PROS1: variants seen among roughly 807,000 people sequenced by gnomAD.
The protein encoded by PROS1 is vitamin K-dependent protein S.
A neutral mutation model predicts 75.9 loss-of-function variants in PROS1; 29 were observed. The observed-to-expected ratio is 0.38, with a 90% CI of 0.28 to 0.52. PROS1 has a LOEUF of 0.52. PROS1 is among the 20% of genes least tolerant of loss of function. The pLI is 0.83. For missense variants in PROS1, 680 were observed against 810.3 expected, an observed-to-expected ratio of 0.84 and a Z score of 1.95; for synonymous variants, 245 against 280.6, an observed-to-expected ratio of 0.87 and a Z score of 1.27.
At chr3:93,947,814 G>C (rs959451535) in intron 1 of PROS1, among the ~76,000 whole-genome samples, 2 of 151,874 alleles carry the variant, frequency 1.3e-5, no homozygotes, top group African/African-American at 4.8e-5. Flanking sequence ...TGATCTGCCC[G>C]CCTCGGCCTC....
chr3:93,881,139 C>T (rs1479754301), intron 12 of PROS1, among the ~76,000 whole-genome samples: 1 of 151,978 alleles, frequency 6.6e-6, no homozygotes, highest in African/African-American at 2.4e-5. Context: ...ACCTGGGCAA[C>T]ACGGGAAGAC....
chr3:93,927,964 T>C (rs1397647499), intron 1 of PROS1, among the ~76,000 whole-genome samples: 1 of 133,178 alleles, frequency 7.5e-6, no homozygotes, highest in Non-Finnish European at 1.6e-5. Context: ...TGTGTATATA[T>C]ATATGTGTGT....
At chr3:93,887,334 T>A (rs550805257) in intron 10 of PROS1, among the ~76,000 whole-genome samples, 67 of 152,306 alleles carry the variant, frequency 4.4e-4, no homozygotes, top group Admixed American at 3.6e-3. Flanking sequence ...AAAAAATACA[T>A]AAAATTAAAT....
intron 12 of PROS1, among the ~76,000 whole-genome samples, chr3:93,883,950 A>AAAAAC (rs1325074907): frequency 1.3e-5 from 2 of 152,334 alleles, no homozygotes; most frequent in South Asian, 2.1e-4. Context: ...ACTCCATCTC[A>AAAAAC]AAAACAAAAC....
At position 93,908,435 on chromosome 3, in the gene PROS1, G is replaced by A. The variant is rs557369148; in HGVS notation, c.346+2184C>T. On this transcript the variant is annotated intron_variant, in intron 4 of 14. Coordinates refer to ENST00000394236, the MANE Select transcript of PROS1 (RefSeq NM_000313.4). ...TGAGAAAACAAATATTGGAGTTTGG[G>A]GAGATCAAATTAGAATTCTGCTGGT... is the stretch of plus-strand genomic sequence containing the variant. Among the ~76,000 whole-genome samples the A allele has an allele frequency of 3.5e-3, 530 of 152,254 alleles. 5 individuals are homozygous for A. Among genetic ancestry groups the A allele is most frequent in the African/African-American group, 0.012 (487 of 41,552 alleles).
chr3:93,905,715 G>A (rs1193939453), intron 6 of PROS1, 69 bp downstream of exon 6: 5 of 1,551,400 alleles, frequency 3.2e-6, no homozygotes, highest in Non-Finnish European at 4.4e-6. Context: ...AAATTTGCTA[G>A]TAAAATTTCT....
intron 1 of PROS1, among the ~76,000 whole-genome samples, chr3:93,933,845 C>A (rs2107213422): frequency 6.6e-6 from 1 of 152,008 alleles, no homozygotes; most frequent in African/African-American, 2.4e-5. Context: ...CCCGTCTCTA[C>A]TAAAAATACA....
intron 1 of PROS1, among the ~76,000 whole-genome samples, chr3:93,927,820 TA>T (rs1709042318): frequency 7.0e-6 from 1 of 142,976 alleles, no homozygotes; most frequent in African/African-American, 2.6e-5. Context: ...CTGGGCAAAA[TA>T]GTGAGACCCC....
chr3:93,947,412 A>T (rs1279039897), intron 1 of PROS1, among the ~76,000 whole-genome samples: 1 of 152,074 alleles, frequency 6.6e-6, no homozygotes, highest in East Asian at 1.9e-4. Flanking sequence ...AGCCCTTAAA[A>T]TAAAACCTAA....
At chr3:93,949,878 G>C (rs1042707962) in intron 1 of PROS1, among the ~76,000 whole-genome samples, 13 of 152,150 alleles carry the variant, frequency 8.5e-5, no homozygotes, top group Admixed American at 5.9e-4. Flanking sequence ...CCAAAGCAGG[G>C]GGGGCATTGC....
At chr3:93,958,536 A>G (rs1709647644) in intron 1 of PROS1, 1 of 151,878 alleles carries the variant, frequency 6.6e-6, no homozygotes, top group Non-Finnish European at 1.5e-5. Flanking sequence ...ATCTTATGAG[A>G]CTCTTTTCTT....
At chr3:93,901,854 G>A (rs574090749) in intron 6 of PROS1, among the ~76,000 whole-genome samples, 1 of 152,230 alleles carries the variant, frequency 6.6e-6, no homozygotes, top group African/African-American at 2.4e-5. Flanking sequence ...GGGGTAAAGG[G>A]TATATAGCAT....
intron 1 of PROS1, among the ~76,000 whole-genome samples, chr3:93,953,752 A>T (rs1709548328): frequency 6.6e-6 from 1 of 152,168 alleles, no homozygotes; most frequent in Admixed American, 6.5e-5. Context: ...GAAAGAAATA[A>T]ATTGTATTCA....
At chr3:93,885,413 A>G (rs1477347732) in intron 11 of PROS1, among the ~76,000 whole-genome samples, 1 of 152,016 alleles carries the variant, frequency 6.6e-6, no homozygotes, top group East Asian at 1.9e-4. Flanking sequence ...TTTAGTAGAG[A>G]TGGGGTTTTG....
At chr3:93,900,483 A>C (rs767496870) in intron 7 of PROS1, among the ~76,000 whole-genome samples, 5 of 152,208 alleles carry the variant, frequency 3.3e-5, no homozygotes, top group Admixed American at 1.3e-4. Flanking sequence ...TTTCCTTCCA[A>C]AGTGAAATTC....
chr3:93,925,392 G>T (rs1294250024), intron 2 of PROS1, among the ~76,000 whole-genome samples: 1 of 152,116 alleles, frequency 6.6e-6, no homozygotes, highest in Non-Finnish European at 1.5e-5. Context: ...ACCGTCAAAG[G>T]AATATATTAG....
chr3:93,910,727 ATCT>A (rs1289154279), intron 3 of PROS1, 22 bp from the exon 4 acceptor site: 11 of 1,579,204 alleles, frequency 7.0e-6, no homozygotes, highest in Non-Finnish European at 9.5e-6. Context: ...AACAAACATA[ATCT>A]TCTTAGAGTA....
chr3:93,922,039 A>G (rs1708949699), intron 3 of PROS1, among the ~76,000 whole-genome samples: 1 of 152,116 alleles, frequency 6.6e-6, no homozygotes, highest in Admixed American at 6.6e-5. Context: ...TTAGAACCCA[A>G]TCCCCCACCA....
intron 3 of PROS1, among the ~76,000 whole-genome samples, chr3:93,917,285 G>T (rs1455313570): frequency 6.6e-6 from 1 of 151,872 alleles, no homozygotes; most frequent in African/African-American, 2.4e-5. Context: ...TTGTTTGTTT[G>T]TTTTGTTTTG....
Sources: allele counts gnomAD v4.1 joint callset (sites outside exome capture counted in the v4.1 genomes callset), GRCh38; gene constraint gnomAD v4.1.1; transcripts MANE v1.5; gene names NCBI Gene and HGNC (gene_info 2026-07-23, HGNC 2026-07-21).